Variants in EFCAB5 observed in about 807,000 individuals in gnomAD.
EFCAB5 encodes the protein EF-hand calcium-binding domain-containing protein 5.
A neutral mutation model predicts 167.9 loss-of-function variants in EFCAB5; 131 were observed. The observed-to-expected ratio is 0.78, with a 90% CI of 0.68 to 0.90. EFCAB5 has a LOEUF of 0.90. EFCAB5 is among the 40% of genes least tolerant of loss of function. EFCAB5 has a pLI of 0.00. For missense variants in EFCAB5, 1,663 were observed against 1,745.2 expected, an observed-to-expected ratio of 0.95 and a Z score of 0.84; for synonymous variants, 574 against 602.8, an observed-to-expected ratio of 0.95 and a Z score of 0.70.
intron 22 of EFCAB5, among the ~76,000 whole-genome samples, chr17:30,096,677 A>ATATATATATTTTTT (rs1193558323): frequency 1.2e-4 from 7 of 60,132 alleles, no homozygotes; most frequent in African/African-American, 5.9e-4. Context: ...ATATATATAT[A>ATATATATATTTTTT]TTTTTTTTTT....
At chr17:29,951,155 A>G (rs544622625) in intron 3 of EFCAB5, among the ~76,000 whole-genome samples, 2 of 152,324 alleles carry the variant, frequency 1.3e-5, no homozygotes, top group African/African-American at 4.8e-5. Flanking sequence ...GAAGAAATCA[A>G]AACTTGGGAG....
intron 7 of EFCAB5, among the ~76,000 whole-genome samples, chr17:30,018,388 A>C (rs1268426573): frequency 6.6e-6 from 1 of 152,116 alleles, no homozygotes; most frequent in Non-Finnish European, 1.5e-5. Flanking sequence ...AAAGAGTTTA[A>C]GTAGAATTGT....
intron 7 of EFCAB5, among the ~76,000 whole-genome samples, chr17:30,020,727 G>T (rs1054436155): frequency 6.6e-6 from 1 of 152,090 alleles, no homozygotes; most frequent in Non-Finnish European, 1.5e-5. Flanking sequence ...CCTATAAAGA[G>T]ACATCCCAAG....
At position 30,092,014 on chromosome 17, in the gene EFCAB5, CCAAATTCTCCTCAAGACAG is replaced by C. The variant is rs1479364050; in HGVS notation, c.4087_4105del (p.Ser1363LeufsTer8). On this transcript the variant is annotated frameshift_variant, in exon 21 of 23. Coordinates refer to ENST00000394835, the MANE Select transcript of EFCAB5 (RefSeq NM_198529.4). LOFTEE classifies it high-confidence loss of function. ...CTATGACCATACTCTTGTAACAGAGCCAAATTCTCCTCAAGACAGCAAATCTATGGAGTTGGAAGCCAAC... is the reference window on the plus strand; with the variant it reads ...CTATGACCATACTCTTGTAACAGAGCCAAATCTATGGAGTTGGAAGCCAAC... The C allele has an allele frequency of 6.2e-7, 1 of 1,613,774 alleles. No homozygotes were observed. Among genetic ancestry groups the C allele is most frequent in the Non-Finnish European group, 8.5e-7 (1 of 1,179,844 alleles).
At chr17:29,991,579 G>A (rs2068420549) in intron 4 of EFCAB5, among the ~76,000 whole-genome samples, 1 of 152,252 alleles carries the variant, frequency 6.6e-6, no homozygotes, top group Non-Finnish European at 1.5e-5. Flanking sequence ...GCTTAGGAAT[G>A]CCTTAAGCGG....
chr17:30,103,858 T>C (rs1335792962), intron 22 of EFCAB5, among the ~76,000 whole-genome samples: 1 of 152,002 alleles, frequency 6.6e-6, no homozygotes, highest in Non-Finnish European at 1.5e-5. Flanking sequence ...CTACTAATAA[T>C]ACAGAAGAAT....
At chr17:29,999,154 A>T (rs192691924) in intron 6 of EFCAB5, among the ~76,000 whole-genome samples, 1 of 152,062 alleles carries the variant, frequency 6.6e-6, no homozygotes, top group Non-Finnish European at 1.5e-5. Flanking sequence ...ATTCAAGTCC[A>T]TGACTGCAGC....
intron 8 of EFCAB5, among the ~76,000 whole-genome samples, chr17:30,046,174 T>G (rs1038560248): frequency 4.6e-5 from 7 of 152,358 alleles, no homozygotes; most frequent in African/African-American, 1.4e-4. Flanking sequence ...GTGCTATGTC[T>G]TTATCTGAGT....
rs1291185057 is a variant in EFCAB5, at chr17:30,058,108, C to T, written c.2580+218C>T. Among the ~76,000 whole-genome samples, 3 of 152,314 alleles carry T rather than the reference C, an allele frequency of 2.0e-5. No homozygotes were observed. The East Asian group carries it at 5.8e-4, about 29-fold the overall frequency. On this transcript the variant is annotated intron_variant, in intron 13 of 22. Coordinates refer to ENST00000394835, the MANE Select transcript of EFCAB5 (RefSeq NM_198529.4). ...TCCCCTAATAATAACATGATTGCTCCTAGCAGGAGATGGTTTATTGTACAG... is the reference window on the plus strand; with the variant it reads ...TCCCCTAATAATAACATGATTGCTCTTAGCAGGAGATGGTTTATTGTACAG...
intron 20 of EFCAB5, 124 bp from the exon 21 acceptor site, chr17:30,091,747 C>A (rs11080116): frequency 0.062 from 66,876 of 1,072,776 alleles, 10,216 homozygotes; most frequent in African/African-American, 0.54. Context: ...AAACCAAAGG[C>A]TATGGTCTGC....
chr17:30,000,109 T>C (rs1455172308), intron 7 of EFCAB5, 133 bp downstream of exon 7: 1 of 599,924 alleles, frequency 1.7e-6, no homozygotes, highest in African/African-American at 1.9e-5. Flanking sequence ...CTAAAATATG[T>C]ACTTTAAAAT....
At chr17:29,982,516 T>G (rs2068198995) in intron 4 of EFCAB5, among the ~76,000 whole-genome samples, 1 of 152,210 alleles carries the variant, frequency 6.6e-6, no homozygotes, top group South Asian at 2.1e-4. Context: ...TATACACCAG[T>G]GAAGACTTCA....
At position 30,087,217 on chromosome 17, in the gene EFCAB5, C is replaced by T. The variant is rs1381457756; in HGVS notation, c.3683+51C>T. The T allele has an allele frequency of 5.5e-6, 8 of 1,463,548 alleles. No individual in the cohort carries two copies. The African/African-American group carries it at 1.1e-4, about 20-fold the overall frequency. The allele number at this position is 1,463,548 out of a possible 1,614,324, so 90.7% of individuals were successfully genotyped here. A position where few individuals can be genotyped will look rare whatever the true frequency, so the allele number is the denominator to read the frequency against. On this transcript the variant is annotated intron_variant, in intron 19 of 22. Coordinates refer to ENST00000394835, the MANE Select transcript of EFCAB5 (RefSeq NM_198529.4). Reference sequence around the variant, plus strand: ...ACTGCTAGAACACATCCTTCTGGTACAATAGTAGACCTGAAAGACACAGCT... The same window carrying T: ...ACTGCTAGAACACATCCTTCTGGTATAATAGTAGACCTGAAAGACACAGCT...
intron 4 of EFCAB5, among the ~76,000 whole-genome samples, chr17:29,982,478 G>A (rs1366305389): frequency 6.6e-6 from 1 of 152,238 alleles, no homozygotes; most frequent in South Asian, 2.1e-4. Context: ...AACAAACACT[G>A]AGTTTATTAA....
At position 30,078,349 on chromosome 17, in the gene EFCAB5, G is replaced by A; in HGVS notation, c.2872G>A (p.Val958Met). Reference protein sequence around the residue: ...GNEDQVLESVVEFLMNALERS... With the variant: ...GNEDQVLESVMEFLMNALERS... ...TGAAGACCAAGTTCTGGAAAGTGTT[G>A]TGGAATTTCTGATGAATGCTTTAGA... Residue 958 changes from valine to methionine, a missense_variant, in exon 15 of 23, where the codon GTG (valine) becomes ATG (methionine). Val to Met is a conservative substitution (Grantham distance 21). Coordinates refer to ENST00000394835, the MANE Select transcript of EFCAB5 (RefSeq NM_198529.4). 2.5e-6 allele frequency: 4 copies of A among 1,613,966 alleles called. No individual in the cohort carries two copies. The highest frequency in any genetic ancestry group is 1.7e-6 in the Non-Finnish European group (2 of 1,179,882).
Position 30,026,961 on chromosome 17 carries a change from C to CTTTTTTTTTT in EFCAB5, c.1045-7235_1045-7226dup, listed in dbSNP as rs71138868. On this transcript the variant is annotated intron_variant, in intron 7 of 22. Coordinates refer to ENST00000394835, the MANE Select transcript of EFCAB5 (RefSeq NM_198529.4). ...ATGATTTCCTTGTACCTCCTTGTAC[C>CTTTTTTTTTT]TTTTTTTTTTTTTTTTTTTTTTTTT... 7.7e-5 allele frequency among the ~76,000 whole-genome samples: 5 copies of CTTTTTTTTTT among 64,548 alleles called. 2 individuals carry two copies. Among genetic ancestry groups the CTTTTTTTTTT allele is most frequent in the East Asian group, 9.5e-4 (2 of 2,100 alleles). The allele number at this position is 64,548 out of a possible 152,430, so 42.3% of individuals were successfully genotyped here. A position where few individuals can be genotyped will look rare whatever the true frequency, so the allele number is the denominator to read the frequency against.
rs1477640812 is a variant in EFCAB5, at chr17:30,059,682, A to G, written c.2718A>G (p.Glu906=). Reference sequence around the variant, plus strand: ...TGTACACATACAAGGAGGGAATGGAAAAAGAATCTATGAAGAAAGGTAAAA... The same window carrying G: ...TGTACACATACAAGGAGGGAATGGAGAAAGAATCTATGAAGAAAGGTAAAA... ...ELLYTYKEGM[E]KESMKKAKLH... is the part of the protein sequence containing the mutation. Residue 906 remains glutamate, a synonymous_variant, in exon 14 of 23, where the codon GAA becomes GAG. Coordinates refer to ENST00000394835, the MANE Select transcript of EFCAB5 (RefSeq NM_198529.4). 6.3e-7 allele frequency: 1 copy of G among 1,592,422 alleles called. No homozygotes were observed. Among genetic ancestry groups the G allele is most frequent in the East Asian group, 2.2e-5 (1 of 44,668 alleles).
rs143357689 is a variant in EFCAB5 at position 30,065,934 on chromosome 17, G to A, written c.2737+6233G>A. 5.0e-3 allele frequency among the ~76,000 whole-genome samples: 707 copies of A among 142,484 alleles called. 5 individuals are homozygous for A. Among genetic ancestry groups the A allele is most frequent in the African/African-American group, 0.02 (666 of 34,060 alleles). The allele number at this position is 142,484 out of a possible 152,430, so 93.5% of individuals were successfully genotyped here. The stretch of plus-strand genomic sequence containing the variant: ...AAACATATATGCACCCAACGTCAGA[G>A]CACTCTGATATTATAAAGCAAATAT... On this transcript the variant is annotated intron_variant, in intron 14 of 22. Transcript: ENST00000394835.
intron 7 of EFCAB5, among the ~76,000 whole-genome samples, chr17:30,028,912 G>C (rs1001014375): frequency 6.6e-6 from 1 of 151,890 alleles, no homozygotes; most frequent in African/African-American, 2.4e-5. Context: ...CCACCCTATT[G>C]ACCTCATTTT....
Sources: allele counts gnomAD v4.1 joint callset (sites outside exome capture counted in the v4.1 genomes callset), GRCh38; gene constraint gnomAD v4.1.1; transcripts MANE v1.5; gene names NCBI Gene and HGNC (gene_info 2026-07-23, HGNC 2026-07-21).